KIF7: variants seen among roughly 807,000 people sequenced by gnomAD.
KIF7 encodes kinesin family member 7.
A neutral mutation model predicts 135.7 loss-of-function variants in KIF7; 104 were observed. That is an observed-to-expected ratio of 0.77 (90% CI 0.65 to 0.90). KIF7 has a LOEUF of 0.90. KIF7 is among the 40% of genes least tolerant of loss of function. KIF7 has a pLI of 0.00. For missense variants in KIF7, 2,005 were observed against 1,839.1 expected (o/e 1.09, Z -1.65); for synonymous variants, 883 against 809.4 (o/e 1.09, Z -1.54).
At position 89,632,875 on chromosome 15, in the gene KIF7, T is replaced by G. The variant is rs369827484; in HGVS notation, c.2840A>C (p.Glu947Ala). 9.9e-6 allele frequency: 16 copies of G among 1,610,130 alleles called. No individual in the cohort carries two copies. The highest frequency in any genetic ancestry group is 1.3e-5 in the African/African-American group (1 of 74,924). The stretch of plus-strand genomic sequence containing the variant: ...CCCCGTCTTCTCCTGCATCAGGGCC[T>G]CCTTCTTGGCCAGGATGGCCTCCCG... Reference protein sequence around the residue: ...HKREAILAKKEALMQEKTGLE... With the variant: ...HKREAILAKKAALMQEKTGLE... Residue 947 changes from glutamate (E) to alanine (A), a missense_variant, in exon 14 of 19, where the codon GAG (glutamate) becomes GCG (alanine). By Grantham distance (107) the Glu-to-Ala change is moderately radical. Coordinates refer to ENST00000394412, the MANE Select transcript of KIF7 (RefSeq NM_198525.3).
intron 10 of KIF7, among the ~76,000 whole-genome samples, chr15:89,644,611 G>A (rs534740639): frequency 6.6e-6 from 1 of 152,158 alleles, no homozygotes; most frequent in Non-Finnish European, 1.5e-5. Flanking sequence ...CTTGAACCCG[G>A]GAGGCAGAGG....
chr15:89,648,255 C>G lies in KIF7; in HGVS notation c.1443G>C (p.Lys481Asn). 2.0e-6 allele frequency: 3 copies of G among 1,515,254 alleles called. No individual in the cohort carries two copies. The South Asian group carries it at 3.6e-5, about 18-fold the overall frequency. The allele number at this position is 1,515,254 out of a possible 1,614,324, so 93.9% of individuals were successfully genotyped here. The change falls in exon 5 of 19, where the codon AAG (lysine) becomes AAC (asparagine). Residue 481 changes from lysine to asparagine, a missense_variant and splice_region_variant. Lys to Asn is a moderately conservative substitution (Grantham distance 94). Transcript: ENST00000394412. ...CAACCACAACCTGTCCCTCGGCCAC[C>G]TTTCGCCCGCCGGCCCCCTGCGCCG... The part of the protein sequence containing the change: ...DQAAQGAGGR[K>N]EDEGAQQLLT...
At chr15:89,641,662 G>C (rs186670349) in intron 11 of KIF7, among the ~76,000 whole-genome samples, 1 of 152,124 alleles carries the variant, frequency 6.6e-6, no homozygotes, top group Non-Finnish European at 1.5e-5. Flanking sequence ...TCAGCTGGGC[G>C]TGGTGGCACG....
intron 17 of KIF7, 51 bp downstream of exon 17, chr15:89,629,324 T>TG (rs777644826): frequency 9.9e-5 from 50 of 503,364 alleles, no homozygotes; most frequent in African/African-American, 2.5e-4. Context: ...AAGATGGGGG[T>TG]GGGGGGGATG....
intron 10 of KIF7, among the ~76,000 whole-genome samples, chr15:89,642,645 G>T (rs543022964): frequency 8.7e-4 from 132 of 152,314 alleles, no homozygotes; most frequent in African/African-American, 3.1e-3. Context: ...TCTTGGCTCA[G>T]TGCAACCTCC....
rs763118550 is a variant in KIF7, at chr15:89,633,886, G to A, written c.2395-3C>T. On this transcript the variant is annotated splice_polypyrimidine_tract_variant and splice_region_variant and intron_variant, in intron 11 of 18. Coordinates refer to ENST00000394412, the MANE Select transcript of KIF7 (RefSeq NM_198525.3). Reference sequence around the variant, plus strand: ...GCCTGCTTCTTCTCCTTCAGCACCTGGGACCCACACAGTCTTCACTGGGCC... The same window carrying A: ...GCCTGCTTCTTCTCCTTCAGCACCTAGGACCCACACAGTCTTCACTGGGCC... 9 of 1,613,666 alleles carry A rather than the reference G, an allele frequency of 5.6e-6. No individual in the cohort carries two copies. The highest frequency in any genetic ancestry group is 7.6e-6 in the Non-Finnish European group (9 of 1,180,014).
intron 1 of KIF7, among the ~76,000 whole-genome samples, chr15:89,622,457 C>T (rs1963442142): frequency 6.6e-6 from 1 of 152,196 alleles, no homozygotes; most frequent in South Asian, 2.1e-4. Flanking sequence ...AAAATGTTCA[C>T]TTTGCTTAAA....
At chr15:89,654,515 C>G (rs1186458918) in intron 1 of KIF7, among the ~76,000 whole-genome samples, 2 of 152,076 alleles carry the variant, frequency 1.3e-5, no homozygotes, top group Non-Finnish European at 2.9e-5. Flanking sequence ...AGCTCCCCTC[C>G]TCTGTAACCC....
chr15:89,654,762 C>T (rs1964181441), intron 1 of KIF7, among the ~76,000 whole-genome samples: 1 of 152,220 alleles, frequency 6.6e-6, no homozygotes, highest in Admixed American at 6.5e-5. Context: ...CCTCCTACCG[C>T]GTTCCTCACC....
intron 6 of KIF7, 49 bp from the exon 7 acceptor site, chr15:89,647,106 C>A (rs1486598322): frequency 2.0e-6 from 3 of 1,495,296 alleles, no homozygotes; most frequent in African/African-American, 2.8e-5. Context: ...CCCCGACAGG[C>A]AGGAGTGTAG....
At chr15:89,642,523 T>G (rs1340514280) in intron 10 of KIF7, 118 bp from the exon 11 acceptor site, 2 of 698,770 alleles carry the variant, frequency 2.9e-6, no homozygotes, top group Non-Finnish European at 4.8e-6. Context: ...ACCAAGCCTT[T>G]GCACCACCAG....
intron 8 of KIF7, 26 bp downstream of exon 8, chr15:89,645,867 A>G (rs1258820239): frequency 6.2e-7 from 1 of 1,610,866 alleles, no homozygotes; most frequent in East Asian, 2.2e-5. Flanking sequence ...GGTCCTTGTC[A>G]GGTGGGGGCA....
At position 89,654,330 on chromosome 15, in the gene KIF7, G is replaced by GGA. The variant is rs1555425329; in HGVS notation, c.-25+1068_-25+1069insTC. The stretch of plus-strand genomic sequence containing the variant: ...GGCCTGGGATTCAAAATATTAAGGG[G>GGA]AAAAAAAAAAAAGACAAGCCTTAAA... On this transcript the variant is annotated intron_variant, in intron 1 of 18. Transcript: ENST00000394412. Among the ~76,000 whole-genome samples the GGA allele has an allele frequency of 3.9e-3, 557 of 144,012 alleles. 3 individuals are homozygous for GGA. Among genetic ancestry groups the GGA allele is most frequent in the African/African-American group, 0.013 (523 of 39,326 alleles). The allele number at this position is 144,012 out of a possible 152,430, so 94.5% of individuals were successfully genotyped here. A position where few individuals can be genotyped will look rare whatever the true frequency, so the allele number is the denominator to read the frequency against.
At chr15:89,653,038 C>T (rs1392704627) in intron 1 of KIF7, 84 bp from the exon 2 acceptor site, 1 of 1,079,636 alleles carries the variant, frequency 9.3e-7, no homozygotes, top group East Asian at 2.6e-5. Context: ...GAGCCAGATC[C>T]TGCAGCTCCT....
downstream of KIF7, chr15:89,624,699 T>C (rs557284192): frequency 8.0e-5 from 129 of 1,614,154 alleles, no homozygotes; most frequent in Non-Finnish European, 9.6e-5. Flanking sequence ...ACACAGAGCA[T>C]GTCACTCTCC....
chr15:89,625,295 C>T, downstream of KIF7: 8 of 1,614,086 alleles, frequency 5.0e-6, no homozygotes, highest in Non-Finnish European at 6.8e-6. Flanking sequence ...CCATTTCAAA[C>T]AGATGGGGTT....
At chr15:89,632,517 CTG>C (rs1261022692) in intron 14 of KIF7, among the ~76,000 whole-genome samples, 5 of 152,278 alleles carry the variant, frequency 3.3e-5, no homozygotes, top group East Asian at 3.9e-4. Context: ...ACATCTGTAA[CTG>C]TGTCATAAAT....
rs1183481799 is a variant in KIF7, at chr15:89,649,012, C to G, written c.885G>C (p.Arg295=). Residue 295 remains arginine (R), a synonymous_variant, in exon 4 of 19, where the codon CGG becomes CGC. Coordinates refer to ENST00000394412, the MANE Select transcript of KIF7 (RefSeq NM_198525.3). ...VISALGDPQR[R]GSHIPYRDSK... ...AGTCGCGGTAGGGTATGTGGCTGCC[C>G]CGGCGCTGAGGGTCCCCCAGGGCGC... 7.8e-6 allele frequency: 12 copies of G among 1,547,510 alleles called. No individual in the cohort carries two copies. The highest frequency in any genetic ancestry group is 2.7e-5 in the African/African-American group (2 of 73,132).
rs1354267066 is a variant in KIF7 at position 89,649,341 on chromosome 15, C to T, written c.556G>A (p.Val186Met). The T allele has an allele frequency of 2.0e-6, 3 of 1,466,766 alleles. No individual in the cohort carries two copies. Among genetic ancestry groups the T allele is most frequent in the Admixed American group, 2.5e-5 (1 of 39,674 alleles). 90.9% of individuals were successfully genotyped at this position (1,466,766 alleles called of 1,614,324 possible). Residue 186 changes from valine (V) to methionine (M), a missense_variant, in exon 4 of 19, where the codon GTG becomes ATG. Val to Met is a conservative substitution (Grantham distance 21). Coordinates refer to ENST00000394412, the MANE Select transcript of KIF7 (RefSeq NM_198525.3). ...VVLCGVKEVD[V>M]EGLDEVLSLL... Reference sequence around the variant, plus strand: ...CTCAGCACCTCATCCAGGCCCTCCACGTCGACCTCCTTCACCCCGCACAGC... The same window carrying T: ...CTCAGCACCTCATCCAGGCCCTCCATGTCGACCTCCTTCACCCCGCACAGC...
Sources: allele counts gnomAD v4.1 joint callset (sites outside exome capture counted in the v4.1 genomes callset), GRCh38; gene constraint gnomAD v4.1.1; transcripts MANE v1.5; gene names NCBI Gene and HGNC (gene_info 2026-07-23, HGNC 2026-07-21).